Variants in ZNF292 observed in about 807,000 individuals in gnomAD.
ZNF292 encodes the protein zinc finger protein 292.
Under a neutral mutation model 217.9 loss-of-function variants are expected in ZNF292, and 26 were observed. That is an observed-to-expected ratio of 0.12 (90% CI 0.09 to 0.17). ZNF292 has a LOEUF of 0.17. Among genes scored for constraint, ZNF292 ranks in the 10% least tolerant of loss-of-function variants. The pLI is 1.00. For missense variants in ZNF292, 2,904 were observed against 3,175.2 expected (o/e 0.91, Z 2.05); for synonymous variants, 1,257 against 1,124.1 (o/e 1.12, Z -2.37).
intron 1 of ZNF292, among the ~76,000 whole-genome samples, chr6:87,172,939 A>G (rs1161822856): frequency 2.0e-5 from 3 of 151,964 alleles, no homozygotes; most frequent in Admixed American, 1.3e-4. Flanking sequence ...AAAAAATGAA[A>G]TGGCATGTAA....
intron 1 of ZNF292, among the ~76,000 whole-genome samples, chr6:87,183,987 A>G (rs1771554508): frequency 6.6e-6 from 1 of 152,232 alleles, no homozygotes; most frequent in Non-Finnish European, 1.5e-5. Context: ...ACAGATGTAA[A>G]AAAAGGACAT....
intron 4 of ZNF292, among the ~76,000 whole-genome samples, chr6:87,219,425 A>C (rs1432422237): frequency 6.6e-6 from 1 of 152,214 alleles, no homozygotes; most frequent in Non-Finnish European, 1.5e-5. Context: ...CTAATGGAAA[A>C]GCATGTATTT....
At chr6:87,230,222 G>A (rs759633292) in intron 4 of ZNF292, among the ~76,000 whole-genome samples, 1 of 152,112 alleles carries the variant, frequency 6.6e-6, no homozygotes, top group Non-Finnish European at 1.5e-5. Flanking sequence ...GAAACAGCTA[G>A]TCAAAGATGC....
rs1314287052 is a variant in ZNF292, at chr6:87,263,298, ATTGT to A, written c.*1500_*1503del. On this transcript the variant is annotated 3_prime_UTR_variant, in exon 8 of 8. Coordinates refer to ENST00000369577, the MANE Select transcript of ZNF292 (RefSeq NM_015021.3). ...GTTTCTGTTTGCCGTAAATAGTAAC[ATTGT>A]TTTTTTTTATTTTGTGTTTGTTATA... is the stretch of plus-strand genomic sequence containing the variant. 2 of 151,760 alleles carry A rather than the reference ATTGT, an allele frequency of 1.3e-5. No homozygotes were observed. The highest frequency in any genetic ancestry group is 4.8e-5 in the African/African-American group (2 of 41,318). 9.4% of individuals were successfully genotyped at this position (151,760 alleles called of 1,614,324 possible).
rs775766947 is a variant in ZNF292, at chr6:87,264,071, A to T, written c.*2270A>T. ...TAATTATGAGAGTGGGCTTTTTAGC[A>T]TGAAACAAAAAAAATCAAACTATGG... On this transcript the variant is annotated 3_prime_UTR_variant, in exon 8 of 8. Coordinates refer to ENST00000369577, the MANE Select transcript of ZNF292 (RefSeq NM_015021.3). The T allele has an allele frequency of 6.6e-6, 1 of 150,490 alleles. No homozygotes were observed. Among genetic ancestry groups the T allele is most frequent in the Non-Finnish European group, 1.5e-5 (1 of 67,322 alleles). 9.3% of individuals were successfully genotyped at this position (150,490 alleles called of 1,614,324 possible).
intron 1 of ZNF292, among the ~76,000 whole-genome samples, chr6:87,174,594 C>T (rs533693560): frequency 1.3e-5 from 2 of 152,168 alleles, no homozygotes; most frequent in East Asian, 1.9e-4. Flanking sequence ...CTGCTTGCTT[C>T]GCTGTACTAA....
rs747047536 is a variant in ZNF292 at position 87,256,898 on chromosome 6, C to A, written c.3269C>A (p.Pro1090His). The A allele has an allele frequency of 1.2e-6, 2 of 1,613,750 alleles. No homozygotes were observed. The highest frequency in any genetic ancestry group is 2.7e-5 in the African/African-American group (2 of 74,926). The change falls in exon 8 of 8, where the codon CCT (proline) becomes CAT (histidine). Residue 1090 changes from proline (P) to histidine (H), a missense_variant. Physicochemically the swap from Pro to His is moderately conservative, Grantham distance 77. Around this residue, in one of 15 missense-constraint regions of ZNF292, gnomAD observed 687 missense variants for 623.0 expected, o/e 1.10. Coordinates refer to ENST00000369577, the MANE Select transcript of ZNF292 (RefSeq NM_015021.3). Reference sequence around the variant, plus strand: ...AATTCATTAGGAACTCCATCAGTGCCTCCAAAAGCTCCAGTTCAGAAATTC... The same window carrying A: ...AATTCATTAGGAACTCCATCAGTGCATCCAAAAGCTCCAGTTCAGAAATTC... ...LSNSLGTPSV[P>H]PKAPVQKFSC...
intron 1 of ZNF292, among the ~76,000 whole-genome samples, chr6:87,156,679 A>C (rs148583683): frequency 4.6e-5 from 7 of 152,216 alleles, no homozygotes; most frequent in Non-Finnish European, 8.8e-5. Flanking sequence ...GGTAGTTTCA[A>C]ATCTTTTCTT....
At chr6:87,210,903 G>T (rs1772453846) in intron 1 of ZNF292, among the ~76,000 whole-genome samples, 1 of 152,168 alleles carries the variant, frequency 6.6e-6, no homozygotes, top group Admixed American at 6.5e-5. Context: ...TGGGATGTGG[G>T]CCCAAAGTTG....
rs538830175 is a variant in ZNF292 at position 87,224,258 on chromosome 6, T to C, written c.538+5527T>C. Among the ~76,000 whole-genome samples the C allele has an allele frequency of 1.2e-3, 188 of 152,306 alleles. 1 individual carries two copies. In the South Asian group the frequency reaches 0.014, roughly 11 times the overall value. ...CTTTCAGTGAGGTTCTTTTCATACA[T>C]TTGTAATATAGTTATTTTGTTGTAT... On this transcript the variant is annotated intron_variant, in intron 4 of 7. Coordinates refer to ENST00000369577, the MANE Select transcript of ZNF292 (RefSeq NM_015021.3).
intron 1 of ZNF292, among the ~76,000 whole-genome samples, chr6:87,194,646 T>G (rs1771906169): frequency 6.6e-6 from 1 of 152,146 alleles, no homozygotes; most frequent in South Asian, 2.1e-4. Context: ...GTCTGAATGG[T>G]TACAAGTTCT....
At chr6:87,181,101 T>C (rs2127778097) in intron 1 of ZNF292, among the ~76,000 whole-genome samples, 1 of 152,298 alleles carries the variant, frequency 6.6e-6, no homozygotes, top group South Asian at 2.1e-4. Context: ...CTTTGCCGTC[T>C]GCAGACGGCT....
At chr6:87,200,873 A>G (rs937913387) in intron 1 of ZNF292, among the ~76,000 whole-genome samples, 1 of 152,246 alleles carries the variant, frequency 6.6e-6, no homozygotes, top group Non-Finnish European at 1.5e-5. Context: ...AATGTGAATC[A>G]TGTTAAATTC....
intron 1 of ZNF292, chr6:87,173,429 C>G (rs1207285586): frequency 1.3e-5 from 2 of 156,436 alleles, no homozygotes; most frequent in Non-Finnish European, 2.9e-5. Flanking sequence ...CACTGTGTTT[C>G]TTTCTTTTTT....
chr6:87,251,789 T>C (rs1774932197), intron 7 of ZNF292, among the ~76,000 whole-genome samples: 1 of 152,204 alleles, frequency 6.6e-6, no homozygotes, highest in African/African-American at 2.4e-5. Flanking sequence ...GAAAAAAAAT[T>C]GTAAAATATA....
chr6:87,256,040 A>T lies in ZNF292; in HGVS notation c.2411A>T (p.Tyr804Phe). 6.2e-7 allele frequency: 1 copy of T among 1,609,116 alleles called. No individual in the cohort carries two copies. Among genetic ancestry groups the T allele is most frequent in the Non-Finnish European group, 8.5e-7 (1 of 1,177,236 alleles). ...YLLYDHEAQH[Y>F]NTYTCKFTGC... ...CTATATGATCATGAAGCACAACATT[A>T]TAATACGTACACTTGTAAGTTCACA... is the stretch of plus-strand genomic sequence containing the variant. The change falls in exon 8 of 8, where the codon TAT becomes TTT. Residue 804 changes from tyrosine (Y) to phenylalanine (F), a missense_variant. This residue lies in a region of ZNF292 where 216 missense variants were observed against 308.3 expected (regional missense o/e 0.70). Coordinates refer to ENST00000369577, the MANE Select transcript of ZNF292 (RefSeq NM_015021.3).
chr6:87,212,333 C>T (rs149213122), intron 1 of ZNF292, among the ~76,000 whole-genome samples: 1 of 152,178 alleles, frequency 6.6e-6, no homozygotes, highest in African/African-American at 2.4e-5. Context: ...AGTACATAGC[C>T]ATGATTGATC....
Position 87,216,067 on chromosome 6 carries a change from C to T in ZNF292, c.323+10C>T, listed in dbSNP as rs200820266. ...TGGAACGCTTGGCATTGTGAGTAGA[C>T]CTTTGAGTAAATAAACTAGATTTAG... On this transcript the variant is annotated intron_variant, in intron 2 of 7. Transcript: ENST00000369577. The T allele has an allele frequency of 8.5e-6, 13 of 1,533,786 alleles. No individual in the cohort carries two copies. The East Asian group carries it at 2.5e-4, about 29-fold the overall frequency.
intron 1 of ZNF292, among the ~76,000 whole-genome samples, chr6:87,202,576 T>C (rs1200243768): frequency 2.0e-5 from 3 of 152,204 alleles, no homozygotes; most frequent in Non-Finnish European, 4.4e-5. Context: ...TTTCTGACTT[T>C]AAAGGGAAAT....
Sources: allele counts gnomAD v4.1 joint callset (sites outside exome capture counted in the v4.1 genomes callset), GRCh38; gene constraint gnomAD v4.1.1; regional missense constraint gnomAD v4.1.1; transcripts MANE v1.5; gene names NCBI Gene and HGNC (gene_info 2026-07-23, HGNC 2026-07-21).